PCGF5: variants seen among roughly 807,000 people sequenced by gnomAD.
PCGF5 encodes polycomb group RING finger protein 5.
A neutral mutation model predicts 44.3 loss-of-function variants in PCGF5; 9 were observed. That is an observed-to-expected ratio of 0.20 (90% CI 0.12 to 0.35). The LOEUF is 0.35. PCGF5 is among the 10% of genes least tolerant of loss of function. PCGF5 has a pLI of 1.00. For missense variants in PCGF5, 146 were observed against 305.3 expected (o/e 0.48, Z 3.89); for synonymous variants, 95 against 102.5 (o/e 0.93, Z 0.44).
Position 91,213,620 on chromosome 10 carries a change from A to G in PCGF5, c.-183-9069A>G, listed in dbSNP as rs530433983. On this transcript the variant is annotated intron_variant, in intron 1 of 9. Transcript: ENST00000614189. ...GCTGGGATTATAGGCATGCACCACC[A>G]CACCAGGCTTTTTTTTTTCTTTTTT... is the stretch of plus-strand genomic sequence containing the variant. Among the ~76,000 whole-genome samples the G allele has an allele frequency of 3.4e-5, 5 of 147,948 alleles. No individual in the cohort carries two copies. The East Asian group carries it at 9.9e-4, about 29-fold the overall frequency.
intron 8 of PCGF5, among the ~76,000 whole-genome samples, chr10:91,269,994 A>G (rs1846139812): frequency 6.6e-6 from 1 of 152,226 alleles, no homozygotes. Flanking sequence ...ACTAAGAATT[A>G]ATGAAATATT....
At chr10:91,202,759 G>C (rs1034080034) in intron 1 of PCGF5, among the ~76,000 whole-genome samples, 2 of 152,082 alleles carry the variant, frequency 1.3e-5, no homozygotes, top group African/African-American at 4.8e-5. Flanking sequence ...TGGGGCAAGG[G>C]GTAGTTAGGC....
At chr10:91,188,248 G>T (rs144886924) in intron 1 of PCGF5, among the ~76,000 whole-genome samples, 5,501 of 152,266 alleles carry the variant, frequency 0.036, 318 homozygotes, top group African/African-American at 0.12. Context: ...CTGAAGCAGG[G>T]CTAGGCATTG....
At chr10:91,251,955 A>G (rs1198601160) in intron 6 of PCGF5, among the ~76,000 whole-genome samples, 1 of 151,976 alleles carries the variant, frequency 6.6e-6, no homozygotes, top group African/African-American at 2.4e-5. Context: ...GAAGGCCCTC[A>G]GTTATTTCCT....
intron 1 of PCGF5, among the ~76,000 whole-genome samples, chr10:91,185,163 C>G (rs576870827): frequency 2.6e-5 from 4 of 152,348 alleles, no homozygotes; most frequent in African/African-American, 9.6e-5. Context: ...TCTGGGAACT[C>G]TCTCCCAGGA....
intron 1 of PCGF5, among the ~76,000 whole-genome samples, chr10:91,189,277 C>T (rs1353159009): frequency 1.3e-5 from 2 of 152,220 alleles, no homozygotes; most frequent in Admixed American, 1.3e-4. Context: ...GGTCATCTCC[C>T]TGTGTTCTGT....
chr10:91,163,167 CG>C (rs910158176), intron 1 of PCGF5: 22 of 148,984 alleles, frequency 1.5e-4, no homozygotes, highest in Non-Finnish European at 2.5e-4. Flanking sequence ...TCCGCGGGGC[CG>C]GGGGGGAGGC....
chr10:91,272,265 AGG>A (rs1846197409), intron 9 of PCGF5, among the ~76,000 whole-genome samples: 1 of 152,244 alleles, frequency 6.6e-6, no homozygotes, highest in Non-Finnish European at 1.5e-5. Context: ...GAAACAGACA[AGG>A]GTATAGTAAA....
At chr10:91,168,957 A>G (rs7904724) in intron 1 of PCGF5, among the ~76,000 whole-genome samples, 1 of 134,482 alleles carries the variant, frequency 7.4e-6, no homozygotes, top group Non-Finnish European at 1.6e-5. Flanking sequence ...AAAAAAAAAA[A>G]AGAAGGCTTG....
intron 1 of PCGF5, among the ~76,000 whole-genome samples, chr10:91,208,147 A>T (rs1336335171): frequency 1.3e-5 from 2 of 152,228 alleles, no homozygotes; most frequent in African/African-American, 4.8e-5. Context: ...TGGTTATAAA[A>T]TAGTGATTTT....
chr10:91,247,008 TA>T (rs1299376609), intron 3 of PCGF5, among the ~76,000 whole-genome samples: 3 of 145,880 alleles, frequency 2.1e-5, no homozygotes, highest in African/African-American at 7.7e-5. Context: ...GATAGATAGA[TA>T]GATAGATAGA....
At chr10:91,200,904 G>T (rs1352812020) in intron 1 of PCGF5, among the ~76,000 whole-genome samples, 7 of 152,118 alleles carry the variant, frequency 4.6e-5, no homozygotes, top group African/African-American at 1.7e-4. Context: ...GATAACATTA[G>T]CTGTGTTCGT....
intron 1 of PCGF5, among the ~76,000 whole-genome samples, chr10:91,182,998 A>C (rs1021321197): frequency 6.6e-6 from 1 of 152,110 alleles, no homozygotes; most frequent in African/African-American, 2.4e-5. Context: ...TTACTATTTC[A>C]GTTCTTTTGC....
intron 1 of PCGF5, among the ~76,000 whole-genome samples, chr10:91,198,184 T>C (rs1844178671): frequency 6.6e-6 from 1 of 152,126 alleles, no homozygotes; most frequent in African/African-American, 2.4e-5. Context: ...TGGATTTCCG[T>C]CTCTCTAAAT....
In PCGF5 at chr10:91,280,871, TTAAA is replaced by T. The variant is rs780225683; in HGVS notation, c.*2559_*2562del. 5 of 152,402 alleles carry T rather than the reference TTAAA, an allele frequency of 3.3e-5. No homozygotes were observed. Among genetic ancestry groups the T allele is most frequent in the African/African-American group, 1.2e-4 (5 of 41,440 alleles). The allele number at this position is 152,402 out of a possible 1,614,324, so 9.4% of individuals were successfully genotyped here. A position where few individuals can be genotyped will look rare whatever the true frequency, so the allele number is the denominator to read the frequency against. On this transcript the variant is annotated 3_prime_UTR_variant, in exon 10 of 10. Coordinates refer to ENST00000336126, the MANE Select transcript of PCGF5 (RefSeq NM_032373.5). The stretch of plus-strand genomic sequence containing the variant: ...CTTATAAAATGATAAAATGAATTCT[TTAAA>T]TAACCTATAGGAATCATCTGAATCT...
At position 91,222,805 on chromosome 10, in the gene PCGF5, T is replaced by C. The variant is rs935318977; in HGVS notation, c.-67T>C. ...GGGAACGACACACCAGCTCCTGGGA[T>C]CAGACTTTCATCTACTTAGGACCCC... On this transcript the variant is annotated 5_prime_UTR_variant, in exon 2 of 10. Coordinates refer to ENST00000336126, the MANE Select transcript of PCGF5 (RefSeq NM_032373.5). The C allele has an allele frequency of 4.5e-6, 4 of 895,102 alleles. No homozygotes were observed. Among genetic ancestry groups the C allele is most frequent in the Non-Finnish European group, 7.3e-6 (4 of 546,556 alleles). 55.4% of individuals were successfully genotyped at this position (895,102 alleles called of 1,614,324 possible).
At chr10:91,221,228 C>T (rs1398394710) in intron 1 of PCGF5, among the ~76,000 whole-genome samples, 1 of 152,146 alleles carries the variant, frequency 6.6e-6, no homozygotes, top group African/African-American at 2.4e-5. Context: ...GTTCTTGCTT[C>T]CCTTAACTGT....
At chr10:91,262,909 G>T (rs937222709) in intron 7 of PCGF5, among the ~76,000 whole-genome samples, 2 of 152,102 alleles carry the variant, frequency 1.3e-5, no homozygotes, top group African/African-American at 4.8e-5. Context: ...TTCCTTTTAA[G>T]TCTGATTCAT....
upstream of PCGF5, among the ~76,000 whole-genome samples, chr10:91,160,934 T>C (rs1279882772): frequency 1.3e-5 from 2 of 152,208 alleles, no homozygotes; most frequent in Non-Finnish European, 2.9e-5. Context: ...CCCATTCTCC[T>C]TTTGCGGCTG....
Sources: allele counts gnomAD v4.1 joint callset (sites outside exome capture counted in the v4.1 genomes callset), GRCh38; gene constraint gnomAD v4.1.1; transcripts MANE v1.5; gene names NCBI Gene and HGNC (gene_info 2026-07-23, HGNC 2026-07-21).